SLC35D4: variants seen among roughly 807,000 people sequenced by gnomAD.
The protein encoded by SLC35D4 is solute carrier family 35 member D4.
At chr18:23,422,897 C>T in the SLC35D4 span, among the ~76,000 whole-genome samples, 3 of 152,094 alleles carry the variant, frequency 2.0e-5, no homozygotes, top group Non-Finnish European at 4.4e-5. Context: ...TTTCATTTTA[C>T]TTGAGTCATT....
chr18:23,359,602 T>C, the SLC35D4 span, among the ~76,000 whole-genome samples: 1 of 152,106 alleles, frequency 6.6e-6, no homozygotes, highest in Non-Finnish European at 1.5e-5. Flanking sequence ...CTAACTGATA[T>C]TTGAACGTGA....
chr18:23,435,743 G>A, the SLC35D4 span, among the ~76,000 whole-genome samples: 1 of 152,232 alleles, frequency 6.6e-6, no homozygotes, highest in African/African-American at 2.4e-5. Context: ...TGCCCAGGCT[G>A]CAGGCGCAGT....
chr18:23,432,368 C>T, the SLC35D4 span, among the ~76,000 whole-genome samples: 1 of 152,180 alleles, frequency 6.6e-6, no homozygotes. Flanking sequence ...CAGCAAAGCC[C>T]TAGCAATGAG....
chr18:23,394,018 G>A, the SLC35D4 span, among the ~76,000 whole-genome samples: 3 of 152,186 alleles, frequency 2.0e-5, no homozygotes, highest in East Asian at 5.8e-4. Context: ...AAATGAATAT[G>A]GATGCACAAG....
the SLC35D4 span, among the ~76,000 whole-genome samples, chr18:23,416,887 G>T: frequency 6.6e-6 from 1 of 152,216 alleles, no homozygotes; most frequent in Non-Finnish European, 1.5e-5. Flanking sequence ...ACAACTTCTT[G>T]CAGGGAAGCA....
the SLC35D4 span, among the ~76,000 whole-genome samples, chr18:23,364,000 T>C: frequency 6.7e-3 from 1,027 of 152,306 alleles, 12 homozygotes; most frequent in African/African-American, 0.024. Context: ...AGAAAATGCA[T>C]TCAAGTTATC....
the SLC35D4 span, among the ~76,000 whole-genome samples, chr18:23,293,015 G>A: frequency 1.3e-5 from 2 of 152,114 alleles, no homozygotes; most frequent in Non-Finnish European, 2.9e-5. Context: ...CGAGGTGGGC[G>A]GATCACTTGA....
the SLC35D4 span, among the ~76,000 whole-genome samples, chr18:23,256,929 T>C: frequency 6.6e-6 from 1 of 152,234 alleles, no homozygotes; most frequent in Non-Finnish European, 1.5e-5. Context: ...GCCCGTTTTC[T>C]CATCTGTAAA....
At chr18:23,265,276 A>G in the SLC35D4 span, among the ~76,000 whole-genome samples, 1 of 151,722 alleles carries the variant, frequency 6.6e-6, no homozygotes, top group Admixed American at 6.6e-5. Context: ...CCCAGCCTCC[A>G]CCCCAGCCAA....
the SLC35D4 span, among the ~76,000 whole-genome samples, chr18:23,400,093 A>G: frequency 1.5e-3 from 235 of 152,362 alleles, no homozygotes; most frequent in Non-Finnish European, 2.8e-3. Context: ...ATGAAATTGA[A>G]AAAAAGAATC....
At chr18:23,252,552 T>C in the SLC35D4 span, among the ~76,000 whole-genome samples, 3 of 152,124 alleles carry the variant, frequency 2.0e-5, 1 homozygote, top group Admixed American at 2.0e-4. Context: ...TTGGGGTGAT[T>C]TGAAGTCTCC....
the SLC35D4 span, among the ~76,000 whole-genome samples, chr18:23,398,971 G>A: frequency 1.3e-5 from 2 of 152,106 alleles, no homozygotes; most frequent in East Asian, 1.9e-4. Flanking sequence ...CTCTTTTGAT[G>A]GCAAAATAAA....
the SLC35D4 span, chr18:23,385,113 T>G: frequency 3.9e-6 from 6 of 1,557,196 alleles, no homozygotes; most frequent in Non-Finnish European, 5.3e-6. Context: ...TTCTTCGATC[T>G]CATAATCATA....
At chr18:23,314,959 G>A in the SLC35D4 span, among the ~76,000 whole-genome samples, 1 of 152,168 alleles carries the variant, frequency 6.6e-6, no homozygotes, top group Non-Finnish European at 1.5e-5. Context: ...GATCAGGTTT[G>A]TTTTTCAAAC....
chr18:23,266,855 G>A, the SLC35D4 span, among the ~76,000 whole-genome samples: 1 of 152,198 alleles, frequency 6.6e-6, no homozygotes, highest in Non-Finnish European at 1.5e-5. Flanking sequence ...GCAGCTTGTT[G>A]GATTCTCTCA....
chr18:23,333,436 T>C, the SLC35D4 span, among the ~76,000 whole-genome samples: 595 of 152,354 alleles, frequency 3.9e-3, 6 homozygotes, highest in African/African-American at 0.013. Flanking sequence ...AGAATATATA[T>C]AGCATACTCT....
the SLC35D4 span, among the ~76,000 whole-genome samples, chr18:23,339,998 T>C: frequency 6.6e-6 from 1 of 152,168 alleles, no homozygotes; most frequent in African/African-American, 2.4e-5. Context: ...AGTCAAACAG[T>C]GAGTACTTCT....
At chr18:23,300,542 T>G in the SLC35D4 span, among the ~76,000 whole-genome samples, 1 of 152,198 alleles carries the variant, frequency 6.6e-6, no homozygotes, top group Admixed American at 6.5e-5. Flanking sequence ...CCTGAACTAC[T>G]TTATGAAACA....
chr18:23,241,215 ATT>A, the SLC35D4 span, among the ~76,000 whole-genome samples: 1 of 149,270 alleles, frequency 6.7e-6, no homozygotes, highest in African/African-American at 2.5e-5. Context: ...GTGTCAGTAG[ATT>A]TTTTTTTTTA....
Sources: allele counts gnomAD v4.1 joint callset (sites outside exome capture counted in the v4.1 genomes callset), GRCh38; gene constraint gnomAD v4.1.1; transcripts MANE v1.5; gene names NCBI Gene and HGNC (gene_info 2026-07-23, HGNC 2026-07-21).